The following PAK2 variants were observed in gnomAD, a reference collection of about 807,000 sequenced individuals.
PAK2 encodes serine/threonine-protein kinase PAK 2.
Under a neutral mutation model 65.9 loss-of-function variants are expected in PAK2, and 21 were observed. That is an observed-to-expected ratio of 0.32 (90% CI 0.23 to 0.46). The LOEUF (loss-of-function observed/expected upper bound fraction) is 0.46, where lower values mean the gene tolerates loss of function less well. Ranked by LOEUF, PAK2 falls within the 20% of genes least tolerant of loss-of-function variation. The pLI is 1.00. For missense variants in PAK2, 324 were observed against 642.6 expected, an observed-to-expected ratio of 0.50 and a Z score of 5.36; for synonymous variants, 204 against 219.7, an observed-to-expected ratio of 0.93 and a Z score of 0.63.
intron 2 of PAK2, among the ~76,000 whole-genome samples, chr3:196,792,372 A>G (rs1301100225): frequency 6.6e-6 from 1 of 152,234 alleles, no homozygotes; most frequent in Non-Finnish European, 1.5e-5. Context: ...CTCAAAGTCT[A>G]GTGAAAATTG....
chr3:196,769,028 T>G (rs1013598808), intron 1 of PAK2, among the ~76,000 whole-genome samples: 1 of 151,992 alleles, frequency 6.6e-6, no homozygotes, highest in African/African-American at 2.4e-5. Flanking sequence ...CCTTTTTTGA[T>G]GTAAACATTC....
chr3:196,802,570 C>T (rs766892248), intron 3 of PAK2, among the ~76,000 whole-genome samples: 30 of 152,038 alleles, frequency 2.0e-4, no homozygotes, highest in African/African-American at 6.3e-4. Context: ...AGGCCGGGCG[C>T]GGTGGCTCAC....
chr3:196,831,642 CT>C lies in PAK2; in HGVS notation c.*3239del, dbSNP rs2108781873. 1 of 152,272 alleles carries C rather than the reference CT, an allele frequency of 6.6e-6. No homozygotes were observed. The highest frequency in any genetic ancestry group is 2.4e-5 in the African/African-American group (1 of 41,566). The allele number at this position is 152,272 out of a possible 1,614,324, so 9.4% of individuals were successfully genotyped here. A position where few individuals can be genotyped will look rare whatever the true frequency, so the allele number is the denominator to read the frequency against. On this transcript the variant is annotated 3_prime_UTR_variant, in exon 15 of 15. Transcript: ENST00000327134. Reference sequence around the variant, plus strand: ...CTATGAGTATTTCTTTTAGGGCTCACTTAAATACATGTTTGTATATACTGTA... The same window carrying C: ...CTATGAGTATTTCTTTTAGGGCTCACTAAATACATGTTTGTATATACTGTA...
Position 196,785,746 on chromosome 3 carries a change from C to T in PAK2, c.187+2913C>T, listed in dbSNP as rs112454392. Reference sequence around the variant, plus strand: ...CAGTTTCACATGGCTGGGGAGGCCTCACAATTATGGCGGAAGGCAAGGAGG... The same window carrying T: ...CAGTTTCACATGGCTGGGGAGGCCTTACAATTATGGCGGAAGGCAAGGAGG... On this transcript the variant is annotated intron_variant, in intron 2 of 14. Transcript: ENST00000327134. Among the ~76,000 whole-genome samples the T allele has an allele frequency of 6.3e-3, 955 of 152,254 alleles. 13 individuals carry two copies. The highest frequency in any genetic ancestry group is 0.021 in the African/African-American group (888 of 41,550).
intron 1 of PAK2, among the ~76,000 whole-genome samples, chr3:196,767,530 C>T (rs1212447290): frequency 1.3e-5 from 2 of 151,944 alleles, no homozygotes; most frequent in African/African-American, 4.8e-5. Flanking sequence ...GCTCTGTCAC[C>T]CAGGCTGGAG....
At chr3:196,795,924 C>T (rs1323605159) in intron 2 of PAK2, among the ~76,000 whole-genome samples, 1 of 152,176 alleles carries the variant, frequency 6.6e-6, no homozygotes, top group East Asian at 1.9e-4. Context: ...TTCCACAGAC[C>T]CAGTGGTGCG....
chr3:196,818,788 T>G (rs1247715805), intron 12 of PAK2, among the ~76,000 whole-genome samples: 1 of 152,166 alleles, frequency 6.6e-6, no homozygotes, highest in Non-Finnish European at 1.5e-5. Context: ...ATTTACTAAG[T>G]GAATAACCTT....
intron 2 of PAK2, among the ~76,000 whole-genome samples, chr3:196,798,349 C>CT (rs35883501): frequency 0.47 from 67,556 of 144,944 alleles, 16,905 homozygotes; most frequent in East Asian, 0.7. Context: ...TTTCTTTTCT[C>CT]TTTTTTTTTT....
At position 196,775,544 on chromosome 3, in the gene PAK2, G is replaced by A. The variant is rs898454152; in HGVS notation, c.-21-7082G>A. 2.6e-4 allele frequency among the ~76,000 whole-genome samples: 40 copies of A among 151,978 alleles called. No individual in the cohort carries two copies. In the East Asian group the frequency reaches 3.7e-3, roughly 14 times the overall value. On this transcript the variant is annotated intron_variant, in intron 1 of 14. Transcript: ENST00000327134. ...ACTACAGGCGCCCACCACCACAACC[G>A]GCTAATTTTTGTATTTTTAGTAGAG...
At chr3:196,749,667 A>C (rs976075290) in intron 1 of PAK2, among the ~76,000 whole-genome samples, 1 of 152,170 alleles carries the variant, frequency 6.6e-6, no homozygotes, top group Non-Finnish European at 1.5e-5. Context: ...TTCATTTTGT[A>C]AGAAACTGTT....
intron 2 of PAK2, among the ~76,000 whole-genome samples, chr3:196,787,869 C>T (rs1339215797): frequency 6.6e-6 from 1 of 152,224 alleles, no homozygotes; most frequent in East Asian, 1.9e-4. Flanking sequence ...TGGGGCCCAG[C>T]TTTCGGCATT....
rs1377027146 is a variant in PAK2 at position 196,830,027 on chromosome 3, T to G, written c.*1622T>G. 2.0e-5 allele frequency: 3 copies of G among 148,910 alleles called. No individual in the cohort carries two copies. The highest frequency in any genetic ancestry group is 3.0e-5 in the Non-Finnish European group (2 of 67,172). 9.2% of individuals were successfully genotyped at this position (148,910 alleles called of 1,614,324 possible). A position where few individuals can be genotyped will look rare whatever the true frequency, so the allele number is the denominator to read the frequency against. ...CTGGCATTTTGTTCCCACCATCCCCTTCCCCCATTAACTTCCCCCCTGCTT... is the reference window on the plus strand; with the variant it reads ...CTGGCATTTTGTTCCCACCATCCCCGTCCCCCATTAACTTCCCCCCTGCTT... On this transcript the variant is annotated 3_prime_UTR_variant, in exon 15 of 15. Coordinates refer to ENST00000327134, the MANE Select transcript of PAK2 (RefSeq NM_002577.4).
chr3:196,827,389 A>G, intron 14 of PAK2, 56 bp downstream of exon 14: 1 of 1,570,472 alleles, frequency 6.4e-7, no homozygotes, highest in Non-Finnish European at 8.6e-7. Flanking sequence ...GGTAACCGAC[A>G]GAAAGCTTTC....
chr3:196,759,503 T>G (rs1276135163), intron 1 of PAK2, among the ~76,000 whole-genome samples: 22 of 12,612 alleles, frequency 1.7e-3, no homozygotes, highest in African/African-American at 4.8e-3. Flanking sequence ...TTTTTGTTTT[T>G]TTTTTTTTTT....
chr3:196,749,356 T>G (rs976969892), intron 1 of PAK2, among the ~76,000 whole-genome samples: 3 of 152,126 alleles, frequency 2.0e-5, no homozygotes, highest in Non-Finnish European at 2.9e-5. Context: ...CACTTCACGT[T>G]TCCACCAGCA....
intron 1 of PAK2, among the ~76,000 whole-genome samples, chr3:196,767,564 C>T (rs1007434646): frequency 6.6e-6 from 1 of 152,092 alleles, no homozygotes; most frequent in South Asian, 2.1e-4. Flanking sequence ...TCTTGGCTCA[C>T]TGCAACCTCC....
Position 196,811,240 on chromosome 3 carries a change from T to C in PAK2, c.773+587T>C, listed in dbSNP as rs13075743. On this transcript the variant is annotated intron_variant, in intron 8 of 14. Coordinates refer to ENST00000327134, the MANE Select transcript of PAK2 (RefSeq NM_002577.4). ...CCCTCCCTCCCTTCCCTTCCCTTCC[T>C]TCCCTCCCTCCCCTCCCTCCCTTCC... 2.1e-3 allele frequency among the ~76,000 whole-genome samples: 74 copies of C among 35,692 alleles called. 1 individual carries two copies. The highest frequency in any genetic ancestry group is 2.9e-3 in the South Asian group (3 of 1,040). The allele number at this position is 35,692 out of a possible 152,430, so 23.4% of individuals were successfully genotyped here.
intron 3 of PAK2, 30 bp from the exon 4 acceptor site, chr3:196,802,987 A>G (rs778190333): frequency 2.7e-6 from 4 of 1,481,050 alleles, no homozygotes; most frequent in Admixed American, 2.4e-5. Flanking sequence ...AATTTAAACC[A>G]TAACTAATTT....
At chr3:196,809,519 G>A (rs1473668469) in intron 7 of PAK2, among the ~76,000 whole-genome samples, 1 of 150,362 alleles carries the variant, frequency 6.7e-6, no homozygotes, top group African/African-American at 2.4e-5. Flanking sequence ...AATTTTTGTA[G>A]TTTTAGTAGA....
Sources: allele counts gnomAD v4.1 joint callset (sites outside exome capture counted in the v4.1 genomes callset), GRCh38; gene constraint gnomAD v4.1.1; transcripts MANE v1.5; gene names NCBI Gene and HGNC (gene_info 2026-07-23, HGNC 2026-07-21).